The following LRRC7 variants were observed in gnomAD, a reference collection of about 807,000 sequenced individuals.
LRRC7 encodes leucine rich repeat containing 7, also known as leucine-rich repeat-containing protein 7.
A neutral mutation model predicts 175.7 loss-of-function variants in LRRC7; 23 were observed. The observed-to-expected ratio is 0.13, with a 90% confidence interval of 0.09 to 0.19. The LOEUF (loss-of-function observed/expected upper bound fraction) is 0.19, where lower values mean the gene tolerates loss of function less well. LRRC7 is among the 10% of genes least tolerant of loss of function. The probability of loss-of-function intolerance (pLI) is 1.00; values close to 1 mark genes in which losing one functional copy is unlikely to be tolerated. For missense variants in LRRC7, 1,354 were observed against 1,904.7 expected (o/e 0.71, Z 5.38); for synonymous variants, 685 against 680.9 (o/e 1.01, Z -0.09).
At chr1:69,839,643 A>C (rs1340307923) in intron 7 of LRRC7, among the ~76,000 whole-genome samples, 1 of 152,118 alleles carries the variant, frequency 6.6e-6, no homozygotes, top group Non-Finnish European at 1.5e-5. Flanking sequence ...ATAGAAAAGC[A>C]GTTGTCCCCT....
chr1:70,108,553 T>C (rs1462790015), intron 26 of LRRC7, among the ~76,000 whole-genome samples: 1 of 152,196 alleles, frequency 6.6e-6, no homozygotes, highest in Non-Finnish European at 1.5e-5. Flanking sequence ...TTTTCTACAT[T>C]CCAAGGAAAA....
intron 7 of LRRC7, among the ~76,000 whole-genome samples, chr1:69,914,506 A>C (rs1646629426): frequency 1.3e-5 from 2 of 152,206 alleles, no homozygotes; most frequent in African/African-American, 4.8e-5. Flanking sequence ...CATTAAGAGC[A>C]AATGTCTCTG....
At chr1:70,057,155 T>C (rs1479796964) in intron 23 of LRRC7, among the ~76,000 whole-genome samples, 1 of 152,194 alleles carries the variant, frequency 6.6e-6, no homozygotes, top group Non-Finnish European at 1.5e-5. Flanking sequence ...TTGCCTAAAA[T>C]CCGAGATTTC....
intron 2 of LRRC7, among the ~76,000 whole-genome samples, chr1:69,757,661 A>G (rs762758622): frequency 3.8e-4 from 57 of 151,932 alleles, no homozygotes; most frequent in Non-Finnish European, 6.3e-4. Context: ...AGGCCTGGAT[A>G]TTGTGTTTTT....
At chr1:69,833,729 C>T (rs1407621098) in intron 5 of LRRC7, among the ~76,000 whole-genome samples, 2 of 151,726 alleles carry the variant, frequency 1.3e-5, no homozygotes, top group African/African-American at 4.8e-5. Flanking sequence ...GCGTAGGATC[C>T]GAAATAAAAT....
intron 11 of LRRC7, among the ~76,000 whole-genome samples, chr1:70,003,846 T>A (rs1036417221): frequency 6.1e-5 from 9 of 148,230 alleles, no homozygotes; most frequent in Non-Finnish European, 1.2e-4. Context: ...ATAGTATCTT[T>A]AAAAAAAAAA....
Position 70,122,569 on chromosome 1 carries a change from G to T in LRRC7, c.*682G>T, listed in dbSNP as rs527705484. 2.0e-5 allele frequency: 3 copies of T among 152,006 alleles called. No individual in the cohort carries two copies. In the East Asian group the frequency reaches 5.8e-4, roughly 29 times the overall value. 9.4% of individuals were successfully genotyped at this position (152,006 alleles called of 1,614,324 possible). A position where few individuals can be genotyped will look rare whatever the true frequency, so the allele number is the denominator to read the frequency against. On this transcript the variant is annotated 3_prime_UTR_variant, in exon 27 of 27. Transcript: ENST00000651989. ...ACAGAGTGAAATATTTCATAAATTAGCCATTTATCTCTGGGACCCAAATAA... is the reference window on the plus strand; with the variant it reads ...ACAGAGTGAAATATTTCATAAATTATCCATTTATCTCTGGGACCCAAATAA...
chr1:69,650,607 A>G (rs190032963), intron 1 of LRRC7, among the ~76,000 whole-genome samples: 2 of 151,786 alleles, frequency 1.3e-5, no homozygotes, highest in African/African-American at 4.8e-5. Flanking sequence ...TCATACATGT[A>G]GCAAATATTC....
chr1:69,963,704 A>G (rs183463798), intron 8 of LRRC7, among the ~76,000 whole-genome samples: 10 of 152,328 alleles, frequency 6.6e-5, no homozygotes, highest in Admixed American at 2.6e-4. Context: ...CTTTACTCTT[A>G]AATTTAGATT....
In LRRC7 at chr1:70,106,221, A is replaced by G. The variant is rs1332981524; in HGVS notation, c.4546-1531A>G. Among the ~76,000 whole-genome samples the G allele has an allele frequency of 2.0e-5, 3 of 152,182 alleles. No homozygotes were observed. The East Asian group carries it at 5.8e-4, about 29-fold the overall frequency. On this transcript the variant is annotated intron_variant, in intron 25 of 26. Transcript: ENST00000651989. The stretch of plus-strand genomic sequence containing the variant: ...AATTAAGTGATTTTTATGTGTTCAG[A>G]GTTGTGCAACCATCATGATTATCTA...
chr1:70,077,997 T>C (rs17131183), intron 24 of LRRC7, among the ~76,000 whole-genome samples: 23,331 of 152,052 alleles, frequency 0.15, 2,856 homozygotes, highest in African/African-American at 0.33. Context: ...TTTTGATGTC[T>C]CAGTTTTTTC....
intron 5 of LRRC7, among the ~76,000 whole-genome samples, chr1:69,827,341 T>G (rs1680033815): frequency 6.6e-6 from 1 of 152,156 alleles, no homozygotes; most frequent in African/African-American, 2.4e-5. Flanking sequence ...ATTACATCTT[T>G]GAGAAATTTC....
intron 1 of LRRC7, among the ~76,000 whole-genome samples, chr1:69,590,399 G>A (rs1245362630): frequency 6.6e-6 from 1 of 152,130 alleles, no homozygotes; most frequent in Non-Finnish European, 1.5e-5. Flanking sequence ...CTTTCATGGT[G>A]TTATGTTGTA....
chr1:69,718,128 A>AAGAGAG (rs1347214418), intron 2 of LRRC7, among the ~76,000 whole-genome samples: 87 of 67,810 alleles, frequency 1.3e-3, no homozygotes, highest in South Asian at 9.8e-3. Flanking sequence ...AAAGAAAGAA[A>AAGAGAG]AGAAAGAAAG....
chr1:69,816,257 C>T (rs527293774), intron 4 of LRRC7, among the ~76,000 whole-genome samples: 6 of 152,250 alleles, frequency 3.9e-5, no homozygotes, highest in African/African-American at 7.2e-5. Context: ...GGATTACAGG[C>T]GCAAGCCACT....
At chr1:69,937,303 G>T (rs900529310) in intron 8 of LRRC7, among the ~76,000 whole-genome samples, 1 of 151,870 alleles carries the variant, frequency 6.6e-6, no homozygotes, top group Non-Finnish European at 1.5e-5. Context: ...CATTAGCTTT[G>T]TATAGATATT....
At chr1:69,618,496 C>A (rs941832047) in intron 1 of LRRC7, among the ~76,000 whole-genome samples, 1 of 152,230 alleles carries the variant, frequency 6.6e-6, no homozygotes, top group Non-Finnish European at 1.5e-5. Context: ...GAGGCTATAT[C>A]CTTTGTTCCA....
chr1:69,715,144 T>A (rs1214072933), intron 2 of LRRC7, among the ~76,000 whole-genome samples: 2 of 152,160 alleles, frequency 1.3e-5, no homozygotes, highest in Non-Finnish European at 2.9e-5. Flanking sequence ...GATTTCCTTT[T>A]TTAAATTTTT....
chr1:69,734,097 A>C (rs1388161103), intron 2 of LRRC7, among the ~76,000 whole-genome samples: 3 of 150,294 alleles, frequency 2.0e-5, no homozygotes, highest in Non-Finnish European at 4.5e-5. Context: ...CAGCAATCCA[A>C]GTTCCTATTT....
Sources: allele counts gnomAD v4.1 joint callset (sites outside exome capture counted in the v4.1 genomes callset), GRCh38; gene constraint gnomAD v4.1.1; transcripts MANE v1.5; gene names NCBI Gene and HGNC (gene_info 2026-07-23, HGNC 2026-07-21).